SUPT3H: variants seen among roughly 807,000 people sequenced by gnomAD.
The protein encoded by SUPT3H is SPT3 homolog, SAGA and STAGA complex component.
SUPT3H carries 44 observed loss-of-function variants against 44.3 expected under a neutral mutation model. The observed-to-expected ratio is 0.99, with a 90% CI of 0.78 to 1.28. SUPT3H has a LOEUF of 1.28. Ranked by LOEUF, SUPT3H falls within the 50% of genes most tolerant of loss-of-function variation. The pLI is 0.00. For missense variants in SUPT3H, 380 were observed against 387.1 expected (o/e 0.98, Z 0.15); for synonymous variants, 124 against 125.6 (o/e 0.99, Z 0.09).
At chr6:45,034,740 A>C (rs1562308143) in intron 3 of SUPT3H, among the ~76,000 whole-genome samples, 1 of 152,170 alleles carries the variant, frequency 6.6e-6, no homozygotes, top group Non-Finnish European at 1.5e-5. Context: ...TATTTTTACA[A>C]AACTGTTAGT....
intron 2 of SUPT3H, among the ~76,000 whole-genome samples, chr6:45,227,257 TTAAAA>T (rs1353761304): frequency 6.6e-6 from 1 of 151,702 alleles, no homozygotes; most frequent in Admixed American, 6.6e-5. Context: ...ATTTCTGGAA[TTAAAA>T]TAATTATGAA....
intron 2 of SUPT3H, among the ~76,000 whole-genome samples, chr6:45,306,489 C>G (rs920902515): frequency 1.3e-5 from 2 of 152,090 alleles, no homozygotes; most frequent in African/African-American, 4.8e-5. Flanking sequence ...ACTGTTGTAC[C>G]CTAACCAACA....
intron 6 of SUPT3H, 148 bp downstream of exon 6, chr6:45,003,505 C>A: frequency 1.2e-6 from 1 of 821,086 alleles, no homozygotes; most frequent in East Asian, 2.9e-5. Context: ...ACTTCAGGGG[C>A]TGATCCTCTG....
chr6:44,869,043 A>C (rs1472317385), intron 10 of SUPT3H, among the ~76,000 whole-genome samples: 3 of 152,184 alleles, frequency 2.0e-5, no homozygotes, highest in African/African-American at 7.2e-5. Flanking sequence ...ACAGTGTGAG[A>C]CCAGTAGCAG....
chr6:44,826,196 A>C (rs1026453657), downstream of SUPT3H, among the ~76,000 whole-genome samples: 3 of 152,220 alleles, frequency 2.0e-5, no homozygotes, highest in Non-Finnish European at 4.4e-5. Flanking sequence ...CAATTCCTGC[A>C]GGCAAAGTTT....
At chr6:45,212,153 C>T (rs1366484037) in intron 2 of SUPT3H, among the ~76,000 whole-genome samples, 2 of 152,054 alleles carry the variant, frequency 1.3e-5, no homozygotes, top group Non-Finnish European at 2.9e-5. Context: ...GAGCAAGACT[C>T]TGTCTCAAAA....
At chr6:45,102,547 A>C (rs1798725081) in intron 3 of SUPT3H, among the ~76,000 whole-genome samples, 1 of 152,204 alleles carries the variant, frequency 6.6e-6, no homozygotes, top group Admixed American at 6.5e-5. Flanking sequence ...AAAAAACCCC[A>C]AAAGAATGAC....
chr6:45,077,647 A>AG (rs796309595), intron 3 of SUPT3H, among the ~76,000 whole-genome samples: 5,179 of 89,204 alleles, frequency 0.058, 130 homozygotes, highest in African/African-American at 0.066. Flanking sequence ...AAAAAAGAAA[A>AG]GAAAAAAAAA....
chr6:45,211,338 TTA>T (rs931586521), intron 2 of SUPT3H, among the ~76,000 whole-genome samples: 1 of 152,112 alleles, frequency 6.6e-6, no homozygotes, highest in Non-Finnish European at 1.5e-5. Flanking sequence ...TCCTCATACT[TTA>T]TGTTTATTTT....
chr6:45,250,087 T>C (rs1772096977), intron 2 of SUPT3H, among the ~76,000 whole-genome samples: 1 of 152,108 alleles, frequency 6.6e-6, no homozygotes, highest in South Asian at 2.1e-4. Flanking sequence ...CATCCTACAA[T>C]AAAGGTCTAC....
chr6:45,270,630 C>T (rs1775965414), intron 2 of SUPT3H, among the ~76,000 whole-genome samples: 2 of 152,138 alleles, frequency 1.3e-5, no homozygotes, highest in African/African-American at 4.8e-5. Context: ...TTGTAAATTG[C>T]CCAGTCTGGA....
At chr6:45,050,465 T>C (rs114365953) in intron 3 of SUPT3H, among the ~76,000 whole-genome samples, 2,671 of 150,986 alleles carry the variant, frequency 0.018, 53 homozygotes, top group South Asian at 0.086. Context: ...AAAAAACCCA[T>C]AGTTTGGTTT....
At chr6:44,894,742 T>G (rs1416995416) in intron 10 of SUPT3H, among the ~76,000 whole-genome samples, 1 of 151,812 alleles carries the variant, frequency 6.6e-6, no homozygotes, top group Non-Finnish European at 1.5e-5. Context: ...AGCAAAGTAT[T>G]ATATATTTAT....
chr6:45,174,018 TG>T lies in SUPT3H; in HGVS notation c.102-68013del, dbSNP rs1811267385. The stretch of plus-strand genomic sequence containing the variant: ...CTGTTTGTGGCCACAATGGTTTGCT[TG>T]GTGATCTCACCCAGTAATTCTTTCA... On this transcript the variant is annotated intron_variant, in intron 2 of 10. Transcript: ENST00000371459. Among the ~76,000 whole-genome samples, 4 of 152,362 alleles carry T rather than the reference TG, an allele frequency of 2.6e-5. No individual in the cohort carries two copies. In the South Asian group the frequency reaches 6.2e-4, roughly 24 times the overall value.
intron 7 of SUPT3H, among the ~76,000 whole-genome samples, chr6:44,956,213 G>A (rs1010466240): frequency 3.3e-5 from 5 of 151,448 alleles, no homozygotes; most frequent in African/African-American, 7.3e-5. Flanking sequence ...GGTCGGGCGC[G>A]GTGGCTCACG....
intron 3 of SUPT3H, among the ~76,000 whole-genome samples, chr6:45,077,626 C>CAAAAA (rs70993493): frequency 2.9e-4 from 10 of 34,018 alleles, no homozygotes; most frequent in East Asian, 2.6e-3. Flanking sequence ...GACCTTGTTT[C>CAAAAA]AAAAAAAAAA....
At chr6:45,202,221 T>A (rs1335882496) in intron 2 of SUPT3H, among the ~76,000 whole-genome samples, 1 of 151,882 alleles carries the variant, frequency 6.6e-6, no homozygotes, top group South Asian at 2.1e-4. Flanking sequence ...TAAAAATAAA[T>A]CATGCAATAT....
intron 2 of SUPT3H, among the ~76,000 whole-genome samples, chr6:45,301,991 C>A (rs902584791): frequency 6.6e-6 from 1 of 152,120 alleles, no homozygotes; most frequent in African/African-American, 2.4e-5. Context: ...AGTAAATGAA[C>A]TGAATTTTGA....
At chr6:45,080,520 G>A (rs1795648507) in intron 3 of SUPT3H, among the ~76,000 whole-genome samples, 1 of 151,840 alleles carries the variant, frequency 6.6e-6, no homozygotes, top group Non-Finnish European at 1.5e-5. Context: ...TAAAGATTTG[G>A]AAGCAACATA....
Sources: gnomAD v4.1 joint callset for allele counts (sites outside exome capture counted in the v4.1 genomes callset) on GRCh38, gnomAD v4.1.1 for gene constraint, MANE v1.5 for transcripts, NCBI Gene and HGNC (gene_info 2026-07-23, HGNC 2026-07-21) for gene names.